SLC30A3: variants seen among roughly 807,000 people sequenced by gnomAD.
SLC30A3 encodes solute carrier family 30 member 3.
Under a neutral mutation model 35.6 loss-of-function variants are expected in SLC30A3, and 20 were observed. The ratio of observed to expected loss-of-function variants is 0.56; its 90% CI spans 0.39 to 0.82. The LOEUF is 0.82. Among genes scored for constraint, SLC30A3 ranks in the 40% least tolerant of loss-of-function variants. The pLI is 0.00. For synonymous variants in SLC30A3, 217 were observed against 224.7 expected, an observed-to-expected ratio of 0.97 and a Z score of 0.31; for missense variants, 401 against 530.6, an observed-to-expected ratio of 0.76 and a Z score of 2.40.
In SLC30A3 at chr2:27,258,848, G is replaced by T. The variant is rs567778975; in HGVS notation, c.182C>A (p.Pro61Gln). The T allele has an allele frequency of 7.1e-5, 114 of 1,614,160 alleles. No homozygotes were observed. In the South Asian group the frequency reaches 8.7e-4, roughly 12 times the overall value. ...PFHHCHRDPLPPPGLTPERLH... is the reference protein window; with the variant it reads ...PFHHCHRDPLQPPGLTPERLH... Reference sequence around the variant, plus strand: ...CCTCTCAGGGGTAAGGCCCGGCGGCGGAAGGGGGTCCCTGTGGCAGTGGTG... The same window carrying T: ...CCTCTCAGGGGTAAGGCCCGGCGGCTGAAGGGGGTCCCTGTGGCAGTGGTG... Residue 61 changes from proline to glutamine, a missense_variant, in exon 2 of 8, where the codon CCG (proline) becomes CAG (glutamine). Coordinates refer to ENST00000233535, the MANE Select transcript of SLC30A3 (RefSeq NM_003459.5). The surrounding 1 kb of genome is among the most constrained non-coding windows in gnomAD (Gnocchi z 4.0).
intron 1 of SLC30A3, among the ~76,000 whole-genome samples, chr2:27,270,311 T>G (rs1255106868): frequency 1.3e-5 from 2 of 152,120 alleles, no homozygotes; most frequent in Non-Finnish European, 2.9e-5. Flanking sequence ...AATTTTGGAG[T>G]TCTGGCTGCT....
At chr2:27,259,091 G>A (rs1013400711) in intron 1 of SLC30A3, 157 bp from the exon 2 acceptor site, 7 of 593,878 alleles carry the variant, frequency 1.2e-5, no homozygotes, top group African/African-American at 1.9e-5. Flanking sequence ...ATGAGAGACC[G>A]GGGCTAAATG....
chr2:27,256,117 A>G, intron 7 of SLC30A3: 1 of 496,198 alleles, frequency 2.0e-6, no homozygotes, highest in Non-Finnish European at 3.7e-6. Flanking sequence ...ATGATCTTTT[A>G]AAGGGTTGTT....
In SLC30A3 at chr2:27,254,986, G is replaced by T; in HGVS notation, c.*326C>A. The T allele has an allele frequency of 9.8e-7, 1 of 1,024,510 alleles. No homozygotes were observed. Among genetic ancestry groups the T allele is most frequent in the Non-Finnish European group, 1.3e-6 (1 of 772,974 alleles). 63.5% of individuals were successfully genotyped at this position (1,024,510 alleles called of 1,614,324 possible). A position where few individuals can be genotyped will look rare whatever the true frequency, so the allele number is the denominator to read the frequency against. ...TGCCACACAGACAAATGGACTGCAG[G>T]GAAAGGATGTTCGTGGCTCCACATG... On this transcript the variant is annotated 3_prime_UTR_variant, in exon 8 of 8. Transcript: ENST00000233535.
chr2:27,260,024 G>T (rs926495402), intron 1 of SLC30A3, among the ~76,000 whole-genome samples: 1 of 152,158 alleles, frequency 6.6e-6, no homozygotes, highest in African/African-American at 2.4e-5. Context: ...TGAATGCTAT[G>T]CCAGGCACGC....
At position 27,254,061 on chromosome 2, in the gene SLC30A3, G is replaced by A. The variant is rs1295346885; in HGVS notation, c.*1251C>T. 1 of 152,180 alleles carries A rather than the reference G, an allele frequency of 6.6e-6. No individual in the cohort carries two copies. Among genetic ancestry groups the A allele is most frequent in the Admixed American group, 6.5e-5 (1 of 15,282 alleles). 9.4% of individuals were successfully genotyped at this position (152,180 alleles called of 1,614,324 possible). A position where few individuals can be genotyped will look rare whatever the true frequency, so the allele number is the denominator to read the frequency against. ...AAAATATGCAGTTCTTAAGACAAAG[G>A]GGGAATAGGTGTAAAAGAGGTCCTT... On this transcript the variant is annotated 3_prime_UTR_variant, in exon 8 of 8. Transcript: ENST00000233535.
Position 27,257,804 on chromosome 2 carries a change from G to C in SLC30A3, c.578+101C>G. On this transcript the variant is annotated intron_variant, in intron 4 of 7. Transcript: ENST00000233535. The surrounding 1 kb of genome is among the most constrained non-coding windows in gnomAD (Gnocchi z 4.7). Reference sequence around the variant, plus strand: ...AGCCCATGGAGAGCTGTGTGTGCGTGTCTGTGTGTCTGGTGGGGAGGAGAG... The same window carrying C: ...AGCCCATGGAGAGCTGTGTGTGCGTCTCTGTGTGTCTGGTGGGGAGGAGAG... 1 of 1,197,716 alleles carries C rather than the reference G, an allele frequency of 8.3e-7. No homozygotes were observed. The highest frequency in any genetic ancestry group is 2.6e-5 in the East Asian group (1 of 39,160). 74.2% of individuals were successfully genotyped at this position (1,197,716 alleles called of 1,614,324 possible).
In SLC30A3 at chr2:27,258,354, T is replaced by C. The variant is rs1258991626; in HGVS notation, c.278-47A>G. The C allele has an allele frequency of 6.7e-6, 10 of 1,496,210 alleles. No homozygotes were observed. The highest frequency in any genetic ancestry group is 2.4e-5 in the Admixed American group (1 of 41,520). 92.7% of individuals were successfully genotyped at this position (1,496,210 alleles called of 1,614,324 possible). A position where few individuals can be genotyped will look rare whatever the true frequency, so the allele number is the denominator to read the frequency against. ...GTCTGCTTCCATTTAGAAAATATCA[T>C]GTAGTGTGTATAGGCATGGAAAATA... On this transcript the variant is annotated intron_variant, in intron 2 of 7. Transcript: ENST00000233535. The surrounding 1 kb of genome is among the most constrained non-coding windows in gnomAD (Gnocchi z 4.0).
Position 27,257,033 on chromosome 2 carries a change from G to C in SLC30A3, c.777+121C>G. On this transcript the variant is annotated intron_variant, in intron 5 of 7. Coordinates refer to ENST00000233535, the MANE Select transcript of SLC30A3 (RefSeq NM_003459.5). This position sits in a 1 kb window ranked among gnomAD's most constrained non-coding sequence, Gnocchi z 4.7. ...GGGAACATGACTCATGTCTGGGAGA[G>C]TCCTGGGAGGTGGGAGGGAGGAGCT... 2.5e-6 allele frequency: 3 copies of C among 1,182,484 alleles called. No individual in the cohort carries two copies. The highest frequency in any genetic ancestry group is 3.8e-6 in the Non-Finnish European group (3 of 795,742). 73.2% of individuals were successfully genotyped at this position (1,182,484 alleles called of 1,614,324 possible). A position where few individuals can be genotyped will look rare whatever the true frequency, so the allele number is the denominator to read the frequency against.
At chr2:27,274,571 G>A (rs1218299741) in intron 1 of SLC30A3, among the ~76,000 whole-genome samples, 2 of 151,998 alleles carry the variant, frequency 1.3e-5, no homozygotes, top group Admixed American at 6.6e-5. Context: ...CACAGGAAGG[G>A]AAGCCAGGTA....
chr2:27,258,246 C>G lies in SLC30A3; in HGVS notation c.339G>C (p.Val113=), dbSNP rs1368834403. The G allele has an allele frequency of 1.9e-6, 3 of 1,575,106 alleles. No homozygotes were observed. Among genetic ancestry groups the G allele is most frequent in the African/African-American group, 2.7e-5 (2 of 73,946 alleles). ...MTDAAHLLAD[V]GSMMGSLFSL... ...AGAAGAGGCTGCCCATCATGCTGCC[C>G]ACATCCGCCAGCAAGTGGGCTGCAT... The change falls in exon 3 of 8, where the codon GTG becomes GTC. Residue 113 remains valine (V), a synonymous_variant. Coordinates refer to ENST00000233535, the MANE Select transcript of SLC30A3 (RefSeq NM_003459.5). This position sits in a 1 kb window ranked among gnomAD's most constrained non-coding sequence, Gnocchi z 4.0.
intron 1 of SLC30A3, chr2:27,275,043 A>G: frequency 6.9e-6 from 3 of 436,480 alleles, no homozygotes; most frequent in African/African-American, 2.0e-5. Context: ...GAACAGGGGC[A>G]TATGAGTTGG....
Position 27,255,547 on chromosome 2 carries a change from C to T in SLC30A3, c.1019-87G>A. The T allele has an allele frequency of 2.1e-6, 3 of 1,455,462 alleles. No individual in the cohort carries two copies. Among genetic ancestry groups the T allele is most frequent in the South Asian group, 2.4e-5 (2 of 81,788 alleles). The allele number at this position is 1,455,462 out of a possible 1,614,324, so 90.2% of individuals were successfully genotyped here. A position where few individuals can be genotyped will look rare whatever the true frequency, so the allele number is the denominator to read the frequency against. On this transcript the variant is annotated intron_variant, in intron 7 of 7. Coordinates refer to ENST00000233535, the MANE Select transcript of SLC30A3 (RefSeq NM_003459.5). The surrounding 1 kb of genome is among the most constrained non-coding windows in gnomAD (Gnocchi z 5.2). ...GATAAGGACAGGGAAAGGGGCTGCA[C>T]AGCATTAAAGCCAGGCGTGAATGGA...
rs1158781382 is a variant in SLC30A3 at position 27,257,426 on chromosome 2, C to A, written c.579-74G>T. ...CTATACCCCCATCTCCATGTCTCAC[C>A]TCCCCAGTAGCCCTTTCCCAGCCCC... On this transcript the variant is annotated intron_variant, in intron 4 of 7. Coordinates refer to ENST00000233535, the MANE Select transcript of SLC30A3 (RefSeq NM_003459.5). The surrounding 1 kb of genome is among the most constrained non-coding windows in gnomAD (Gnocchi z 4.7). 7.2e-7 allele frequency: 1 copy of A among 1,394,868 alleles called. No homozygotes were observed. Among genetic ancestry groups the A allele is most frequent in the Admixed American group, 2.0e-5 (1 of 49,970 alleles). The allele number at this position is 1,394,868 out of a possible 1,614,324, so 86.4% of individuals were successfully genotyped here. A position where few individuals can be genotyped will look rare whatever the true frequency, so the allele number is the denominator to read the frequency against.
rs930377035 is a variant in SLC30A3 at position 27,262,480 on chromosome 2, G to A, written c.95+332C>T. Among the ~76,000 whole-genome samples, 1 of 151,980 alleles carries A rather than the reference G, an allele frequency of 6.6e-6. No homozygotes were observed. The highest frequency in any genetic ancestry group is 1.5e-5 in the Non-Finnish European group (1 of 67,974). On this transcript the variant is annotated intron_variant, in intron 1 of 7. Transcript: ENST00000233535. The surrounding 1 kb of genome is among the most constrained non-coding windows in gnomAD (Gnocchi z 7.5). ...GGCAATGCGGACCTTGGCGCACCGG[G>A]CGAGGGCTCCGGCCCGACCGAGCGG...
At chr2:27,260,261 AGAGCTGG>A (rs1677115806) in intron 1 of SLC30A3, among the ~76,000 whole-genome samples, 1 of 152,184 alleles carries the variant, frequency 6.6e-6, no homozygotes, top group Non-Finnish European at 1.5e-5. Context: ...GCTAGATTCC[AGAGCTGG>A]GGTTGTCATG....
At chr2:27,269,689 G>A (rs1677651118) in intron 1 of SLC30A3, among the ~76,000 whole-genome samples, 1 of 151,814 alleles carries the variant, frequency 6.6e-6, no homozygotes, top group Admixed American at 6.6e-5. Flanking sequence ...CCAAACTGCA[G>A]AGAAAATCCA....
At chr2:27,273,422 A>T (rs1677820169) in intron 1 of SLC30A3, among the ~76,000 whole-genome samples, 1 of 152,212 alleles carries the variant, frequency 6.6e-6, no homozygotes, top group Non-Finnish European at 1.5e-5. Context: ...AATTCGTTAT[A>T]AGTGAACCTC....
At position 27,255,289 on chromosome 2, in the gene SLC30A3, T is replaced by C. The variant is rs758227443; in HGVS notation, c.*23A>G. 1 of 1,612,484 alleles carries C rather than the reference T, an allele frequency of 6.2e-7. No individual in the cohort carries two copies. The highest frequency in any genetic ancestry group is 8.5e-7 in the Non-Finnish European group (1 of 1,179,124). On this transcript the variant is annotated 3_prime_UTR_variant, in exon 8 of 8. Coordinates refer to ENST00000233535, the MANE Select transcript of SLC30A3 (RefSeq NM_003459.5). The surrounding 1 kb of genome is among the most constrained non-coding windows in gnomAD (Gnocchi z 5.2). The stretch of plus-strand genomic sequence containing the variant: ...CTGGGGCTGAGCCTCGGCCTGGCAG[T>C]GGGGTGAGGGCAGGGCCATGGCTCA...
Sources: gnomAD v4.1 joint callset for allele counts (sites outside exome capture counted in the v4.1 genomes callset) on GRCh38, gnomAD v4.1.1 for gene constraint, Gnocchi (gnomAD v3.1) non-coding constraint, MANE v1.5 for transcripts, NCBI Gene and HGNC (gene_info 2026-07-23, HGNC 2026-07-21) for gene names.